The following ACRV1 variants were observed in gnomAD, a reference collection of about 807,000 sequenced individuals.
ACRV1 encodes acrosomal vesicle protein 1, also known as acrosomal protein SP-10.
A neutral mutation model predicts 29.2 loss-of-function variants in ACRV1; 17 were observed. The observed-to-expected ratio is 0.58, with a 90% CI of 0.40 to 0.87. The LOEUF (loss-of-function observed/expected upper bound fraction) is 0.87. Ranked by LOEUF, ACRV1 falls within the 40% of genes least tolerant of loss-of-function variation. The pLI, the probability that ACRV1 is intolerant of heterozygous loss-of-function variation, is 0.00. For synonymous variants in ACRV1, 98 were observed against 111.6 expected (o/e 0.88, Z 0.77); for missense variants, 294 against 316.0 (o/e 0.93, Z 0.53).
At chr11:125,674,811 G>A (rs80262452) in intron 3 of ACRV1, among the ~76,000 whole-genome samples, 3,130 of 152,262 alleles carry the variant, frequency 0.021, 84 homozygotes, top group African/African-American at 0.068. Context: ...AAATAAAGGA[G>A]AACTATTAAA....
chr11:125,673,324 C>T (rs1012986180), intron 3 of ACRV1, among the ~76,000 whole-genome samples: 2 of 152,008 alleles, frequency 1.3e-5, no homozygotes, highest in African/African-American at 4.8e-5. Context: ...CCTCCCTCAG[C>T]CTCCTGAGTA....
rs959644138 is a variant in ACRV1, at chr11:125,678,023, A to G, written c.327T>C (p.Thr109=). 6.2e-7 allele frequency: 1 copy of G among 1,614,172 alleles called. No homozygotes were observed. The highest frequency in any genetic ancestry group is 1.1e-5 in the South Asian group (1 of 91,074). ...GTTCTCCTGAAGGCTGCTCACCTAC[A>G]GTATGCTCACCTTCAGCATGTTCAG... ...AATEHAEGEH[T]VGEQPSGEQP... Residue 109 remains threonine, a synonymous_variant, in exon 2 of 4, where the codon ACT becomes ACC. Transcript: ENST00000533904.
chr11:125,680,624 A>T, intron 1 of ACRV1, 105 bp downstream of exon 1: 1 of 1,004,586 alleles, frequency 1.0e-6, no homozygotes. Context: ...ATTCTGACTC[A>T]GATTGGTTTG....
Position 125,678,303 on chromosome 11 carries a change from A to G in ACRV1, c.53-6T>C, listed in dbSNP as rs776560355. On this transcript the variant is annotated splice_polypyrimidine_tract_variant and splice_region_variant and intron_variant, in intron 1 of 3. Coordinates refer to ENST00000533904, the MANE Select transcript of ACRV1 (RefSeq NM_001612.6). ...ATTAGGCTGACTTGATGTTCCTGGG[A>G]TGGAGAAGGAACAGAAGAGAGTTGG... The G allele has an allele frequency of 1.2e-5, 20 of 1,612,508 alleles. No individual in the cohort carries two copies. Among genetic ancestry groups the G allele is most frequent in the Non-Finnish European group, 1.5e-5 (18 of 1,179,314 alleles).
In ACRV1 at chr11:125,671,658, G is replaced by C. The variant is rs1352434148; in HGVS notation, c.*935C>G. The C allele has an allele frequency of 1.3e-5, 2 of 152,308 alleles. No homozygotes were observed. Among genetic ancestry groups the C allele is most frequent in the Non-Finnish European group, 2.9e-5 (2 of 68,034 alleles). The allele number at this position is 152,308 out of a possible 1,614,324, so 9.4% of individuals were successfully genotyped here. A position where few individuals can be genotyped will look rare whatever the true frequency, so the allele number is the denominator to read the frequency against. On this transcript the variant is annotated 3_prime_UTR_variant, in exon 4 of 4. Transcript: ENST00000533904. The stretch of plus-strand genomic sequence containing the variant: ...AAACAGCTCAGATTTAGATCTTGCA[G>C]ATTTGGTTGTGGAATCTGCCTATAG...
At chr11:125,679,774 G>A (rs1293547592) in intron 1 of ACRV1, among the ~76,000 whole-genome samples, 1 of 152,194 alleles carries the variant, frequency 6.6e-6, no homozygotes, top group Non-Finnish European at 1.5e-5. Context: ...TATTTTCTTG[G>A]CACAGTGCAG....
At chr11:125,680,040 C>CTA (rs556861280) in intron 1 of ACRV1, among the ~76,000 whole-genome samples, 34 of 152,212 alleles carry the variant, frequency 2.2e-4, no homozygotes, top group Non-Finnish European at 4.0e-4. Context: ...CTGGCACATA[C>CTA]TATCACCTGG....
chr11:125,677,658 A>T, intron 2 of ACRV1, 139 bp downstream of exon 2: 1 of 1,188,098 alleles, frequency 8.4e-7, no homozygotes, highest in Non-Finnish European at 1.2e-6. Context: ...GACGAGAACT[A>T]GAGAGACTTT....
At position 125,678,089 on chromosome 11, in the gene ACRV1, T is replaced by G. The variant is rs1324134240; in HGVS notation, c.261A>C (p.Glu87Asp). 2 of 1,614,186 alleles carry G rather than the reference T, an allele frequency of 1.2e-6. No individual in the cohort carries two copies. The highest frequency in any genetic ancestry group is 8.5e-7 in the Non-Finnish European group (1 of 1,180,034). ...CTGAAGCATGCTCACTCTCAGCATG[T>G]TCTCCAGAAGTGTGCTCGGCCACAG... ...KHTVAEHTSGEHAESEHASGE... is the reference protein window; with the variant it reads ...KHTVAEHTSGDHAESEHASGE... Residue 87 changes from glutamate to aspartate, a missense_variant, in exon 2 of 4, where the codon GAA becomes GAC. Physicochemically the swap from Glu to Asp is conservative, Grantham distance 45. Coordinates refer to ENST00000533904, the MANE Select transcript of ACRV1 (RefSeq NM_001612.6).
At chr11:125,678,468 G>C (rs1942631810) in intron 1 of ACRV1, among the ~76,000 whole-genome samples, 171 bp from the exon 2 acceptor site, 1 of 152,128 alleles carries the variant, frequency 6.6e-6, no homozygotes, top group Non-Finnish European at 1.5e-5. Context: ...ATCCCAAAAG[G>C]CCATGGAGGA....
At chr11:125,678,862 G>A (rs1486711411) in intron 1 of ACRV1, among the ~76,000 whole-genome samples, 1 of 150,980 alleles carries the variant, frequency 6.6e-6, no homozygotes, top group Non-Finnish European at 1.5e-5. Context: ...TAAGCCGCCT[G>A]TATTTGGTAA....
In ACRV1 at chr11:125,679,303, C is replaced by T. The variant is rs1250857701; in HGVS notation, c.53-1006G>A. Reference sequence around the variant, plus strand: ...CACAATCTTGGCTCACTGCAACCTCCGCCTCCCGGGTTCAAGTGATCCTCC... The same window carrying T: ...CACAATCTTGGCTCACTGCAACCTCTGCCTCCCGGGTTCAAGTGATCCTCC... On this transcript the variant is annotated intron_variant, in intron 1 of 3. Transcript: ENST00000533904. Among the ~76,000 whole-genome samples, 10 of 149,572 alleles carry T rather than the reference C, an allele frequency of 6.7e-5. No homozygotes were observed. The East Asian group carries it at 7.9e-4, about 12-fold the overall frequency.
rs1397184569 is a variant in ACRV1, at chr11:125,672,550, G to T, written c.*43C>A. The T allele has an allele frequency of 6.2e-6, 10 of 1,609,060 alleles. No homozygotes were observed. The East Asian group carries it at 2.2e-4, about 36-fold the overall frequency. On this transcript the variant is annotated 3_prime_UTR_variant, in exon 4 of 4. Transcript: ENST00000533904. ...AAAATGAGCCAAATAGAGTGATGGA[G>T]GCTTTTTACTGCCTGAGTCAAAACA...
intron 3 of ACRV1, among the ~76,000 whole-genome samples, chr11:125,674,871 G>A (rs1942413323): frequency 6.6e-6 from 1 of 152,228 alleles, no homozygotes; most frequent in African/African-American, 2.4e-5. Flanking sequence ...GCTGGCTCCA[G>A]TCAACCTTTC....
chr11:125,674,074 G>T (rs1942356828), intron 3 of ACRV1, among the ~76,000 whole-genome samples: 2 of 152,028 alleles, frequency 1.3e-5, no homozygotes, highest in Admixed American at 6.6e-5. Context: ...TCGCTGGGGG[G>T]CAGAGGTTGC....
intron 1 of ACRV1, among the ~76,000 whole-genome samples, 157 bp from the exon 2 acceptor site, chr11:125,678,454 A>T (rs1249023048): frequency 1.3e-5 from 2 of 152,160 alleles, no homozygotes; most frequent in Non-Finnish European, 2.9e-5. Context: ...AAAATCAACT[A>T]AGTATCCCAA....
At chr11:125,676,298 C>G in intron 3 of ACRV1, 61 bp downstream of exon 3, 1 of 1,593,876 alleles carries the variant, frequency 6.3e-7, no homozygotes, top group Non-Finnish European at 8.6e-7. Flanking sequence ...CCAACTGCCC[C>G]CTACCAGAAG....
At position 125,678,138 on chromosome 11, in the gene ACRV1, C is replaced by A; in HGVS notation, c.212G>T (p.Ser71Ile). 6.2e-7 allele frequency: 1 copy of A among 1,614,196 alleles called. No homozygotes were observed. The highest frequency in any genetic ancestry group is 1.7e-5 in the Admixed American group (1 of 60,032). Reference sequence around the variant, plus strand: ...AGTGTGCTTGCTTGAACCATGCTCACTGGAACCATGCTCACTTAAAGTGTT... The same window carrying A: ...AGTGTGCTTGCTTGAACCATGCTCAATGGAACCATGCTCACTTAAAGTGTT... ...GLNTLSEHGS[S>I]EHGSSKHTVA... The change falls in exon 2 of 4, where the codon AGT (serine) becomes ATT (isoleucine). Residue 71 changes from serine (S) to isoleucine (I), a missense_variant. Physicochemically the swap from Ser to Ile is moderately radical, Grantham distance 142. Transcript: ENST00000533904.
intron 1 of ACRV1, among the ~76,000 whole-genome samples, chr11:125,678,955 A>G (rs1337597607): frequency 1.1e-5 from 1 of 89,596 alleles, no homozygotes; most frequent in Non-Finnish European, 2.4e-5. Flanking sequence ...CTATTAAGGT[A>G]AAAAAAAAAA....
Sources: allele counts gnomAD v4.1 joint callset (sites outside exome capture counted in the v4.1 genomes callset), GRCh38; gene constraint gnomAD v4.1.1; transcripts MANE v1.5; gene names NCBI Gene and HGNC (gene_info 2026-07-23, HGNC 2026-07-21).